ASPRV1: variants seen among roughly 807,000 people sequenced by gnomAD.
ASPRV1 encodes the protein aspartic peptidase retroviral like 1.
ASPRV1 carries 7 observed loss-of-function variants against 11.0 expected under a neutral mutation model. That is an observed-to-expected ratio of 0.64 (90% CI 0.36 to 1.20). The LOEUF is 1.20. Ranked by LOEUF, ASPRV1 falls within the 50% of genes most tolerant of loss-of-function variation. The probability of loss-of-function intolerance (pLI) is 0.02; values close to 1 mark genes in which losing one functional copy is unlikely to be tolerated. For synonymous variants in ASPRV1, 136 were observed against 138.4 expected, an observed-to-expected ratio of 0.98 and a Z score of 0.12; for missense variants, 299 against 320.0, an observed-to-expected ratio of 0.93 and a Z score of 0.50.
the ASPRV1 span, among the ~76,000 whole-genome samples, chr2:70,058,210 G>A: frequency 6.6e-6 from 1 of 152,224 alleles, no homozygotes; most frequent in Admixed American, 6.5e-5. Flanking sequence ...ACACTCTGCT[G>A]TCTTTATAAA....
chr2:70,004,548 A>G, the ASPRV1 span, among the ~76,000 whole-genome samples: 3 of 151,606 alleles, frequency 2.0e-5, no homozygotes, highest in Admixed American at 2.0e-4. Context: ...AAAAAAAAAA[A>G]AAAGAAGTGG....
the ASPRV1 span, among the ~76,000 whole-genome samples, chr2:70,012,646 C>A: frequency 6.6e-6 from 1 of 152,086 alleles, no homozygotes; most frequent in Non-Finnish European, 1.5e-5. Context: ...GAAAGGCAAA[C>A]TTAATGTAAA....
chr2:70,071,938 T>C, the ASPRV1 span, among the ~76,000 whole-genome samples: 2 of 150,380 alleles, frequency 1.3e-5, no homozygotes, highest in African/African-American at 2.4e-5. Context: ...ACCCAGTCTC[T>C]ACAAAAATTT....
chr2:69,959,438 C>A (rs767019358), downstream of ASPRV1, among the ~76,000 whole-genome samples: 1 of 152,090 alleles, frequency 6.6e-6, no homozygotes, highest in South Asian at 2.1e-4. Flanking sequence ...CTGCTGCACT[C>A]CAGAAAAAGA....
chr2:70,010,316 A>T, the ASPRV1 span, among the ~76,000 whole-genome samples: 1 of 152,130 alleles, frequency 6.6e-6, no homozygotes, highest in Non-Finnish European at 1.5e-5. Flanking sequence ...GGAGCCACAA[A>T]GTCTACAGGG....
the ASPRV1 span, among the ~76,000 whole-genome samples, chr2:69,991,826 G>A: frequency 2.0e-5 from 3 of 152,168 alleles, no homozygotes; most frequent in Admixed American, 6.5e-5. Context: ...GATTACAGGC[G>A]TGAGCCACTG....
rs1245806352 is a variant in ASPRV1 at position 69,960,603 on chromosome 2, C to CA, written c.*53dup. On this transcript the variant is annotated 3_prime_UTR_variant, in exon 1 of 1. Coordinates refer to ENST00000320256, the MANE Select transcript of ASPRV1 (RefSeq NM_152792.4). ...CCCCATGAGGATATGCAACCCCCCC[C>CA]ACAGCGGTGGGTCTTCCCACCAATA... The CA allele has an allele frequency of 2.6e-6, 4 of 1,531,694 alleles. No individual in the cohort carries two copies. The highest frequency in any genetic ancestry group is 3.5e-6 in the Non-Finnish European group (4 of 1,135,646). 94.9% of individuals were successfully genotyped at this position (1,531,694 alleles called of 1,614,324 possible).
the ASPRV1 span, among the ~76,000 whole-genome samples, chr2:70,037,535 C>T: frequency 6.6e-6 from 1 of 152,122 alleles, no homozygotes; most frequent in Non-Finnish European, 1.5e-5. Flanking sequence ...GGATTACAGG[C>T]ATGAGGCACT....
chr2:69,941,086 G>C, the ASPRV1 span: 3 of 152,174 alleles, frequency 2.0e-5, no homozygotes, highest in Non-Finnish European at 4.4e-5. Context: ...ACAATTGTAC[G>C]TAAATACAGA....
At chr2:70,067,494 T>C in the ASPRV1 span, among the ~76,000 whole-genome samples, 1 of 152,156 alleles carries the variant, frequency 6.6e-6, no homozygotes, top group Non-Finnish European at 1.5e-5. Flanking sequence ...AATGTCTTCA[T>C]AGAAAAATAG....
chr2:70,066,299 C>A, the ASPRV1 span, among the ~76,000 whole-genome samples: 1 of 151,604 alleles, frequency 6.6e-6, no homozygotes, highest in Non-Finnish European at 1.5e-5. Context: ...AGTACAATGG[C>A]GCAATCTCAG....
At chr2:70,072,591 G>A in the ASPRV1 span, among the ~76,000 whole-genome samples, 3 of 151,840 alleles carry the variant, frequency 2.0e-5, no homozygotes, top group African/African-American at 4.8e-5. Flanking sequence ...GCATGATGGT[G>A]AGTGCCTGTA....
chr2:70,028,851 A>G, the ASPRV1 span, among the ~76,000 whole-genome samples: 3 of 151,896 alleles, frequency 2.0e-5, no homozygotes, highest in African/African-American at 7.3e-5. Context: ...CTGAGGCAGG[A>G]GAATCATTTG....
chr2:70,062,068 G>T, the ASPRV1 span, among the ~76,000 whole-genome samples: 1 of 151,112 alleles, frequency 6.6e-6, no homozygotes, highest in African/African-American at 2.4e-5. Flanking sequence ...TGGGTGGATT[G>T]CCTGATGTCA....
chr2:70,044,278 G>A, the ASPRV1 span, among the ~76,000 whole-genome samples: 1 of 152,078 alleles, frequency 6.6e-6, no homozygotes, highest in South Asian at 2.1e-4. Flanking sequence ...AGTTTTTGAG[G>A]GGCAGGACAC....
the ASPRV1 span, among the ~76,000 whole-genome samples, chr2:69,969,964 T>C: frequency 5.9e-5 from 9 of 151,524 alleles, no homozygotes; most frequent in Non-Finnish European, 1.3e-4. Flanking sequence ...ACTCCTGGGC[T>C]CAAGCAATCC....
At chr2:70,073,998 G>A in the ASPRV1 span, among the ~76,000 whole-genome samples, 5 of 151,508 alleles carry the variant, frequency 3.3e-5, no homozygotes, top group African/African-American at 1.2e-4. Context: ...GCCGGGCATG[G>A]TGGCGGGCGC....
chr2:70,062,702 G>T, the ASPRV1 span, among the ~76,000 whole-genome samples: 2 of 152,188 alleles, frequency 1.3e-5, no homozygotes, highest in African/African-American at 4.8e-5. Flanking sequence ...TGAAGCAGAA[G>T]GGTCATTTGA....
chr2:70,012,297 G>A, the ASPRV1 span: 4 of 152,046 alleles, frequency 2.6e-5, no homozygotes, highest in African/African-American at 9.7e-5. Context: ...TGGGACTACA[G>A]GCACCCGCCA....
Sources: gnomAD v4.1 joint callset for allele counts (sites outside exome capture counted in the v4.1 genomes callset) on GRCh38, gnomAD v4.1.1 for gene constraint, MANE v1.5 for transcripts, NCBI Gene and HGNC (gene_info 2026-07-23, HGNC 2026-07-21) for gene names.